The following SKIC2 variants were observed in gnomAD, a reference collection of about 807,000 sequenced individuals.
SKIC2 encodes the protein superkiller complex protein 2.
At chr6:31,961,774 C>A in the SKIC2 span, 1 of 1,547,336 alleles carries the variant, frequency 6.5e-7, no homozygotes. Context: ...CAGATCCATC[C>A]CAGGCCAGTC....
chr6:31,963,146 T>C, the SKIC2 span: 2 of 1,243,720 alleles, frequency 1.6e-6, no homozygotes, highest in East Asian at 2.3e-5. The surrounding 1 kb of genome is among the most constrained non-coding windows in gnomAD (Gnocchi z 5.3). Context: ...ACTCCTTGAT[T>C]CGGGTGGGGG....
the SKIC2 span, chr6:31,960,981 T>C: frequency 8.1e-7 from 1 of 1,236,378 alleles, no homozygotes; most frequent in Non-Finnish European, 1.2e-6. Context: ...TAGGTTTATA[T>C]AATGTACACA....
the SKIC2 span, chr6:31,967,830 A>G: frequency 6.2e-7 from 1 of 1,612,908 alleles, no homozygotes; most frequent in Non-Finnish European, 8.5e-7. The surrounding 1 kb of genome is among the most constrained non-coding windows in gnomAD (Gnocchi z 4.9). Context: ...TATCCAGATG[A>G]CCTCGTGGGA....
chr6:31,962,693 TC>T, the SKIC2 span: 2 of 1,610,166 alleles, frequency 1.2e-6, no homozygotes, highest in Non-Finnish European at 1.7e-6. This position sits in a 1 kb window ranked among gnomAD's most constrained non-coding sequence, Gnocchi z 5.0. Flanking sequence ...GGGGAGTCAA[TC>T]CTTGGCCTCT....
At chr6:31,962,130 C>A in the SKIC2 span, 2 of 1,430,752 alleles carry the variant, frequency 1.4e-6, no homozygotes, top group African/African-American at 1.4e-5. The surrounding 1 kb of genome is among the most constrained non-coding windows in gnomAD (Gnocchi z 5.0). Flanking sequence ...AATCTCATCT[C>A]TTCCCCCACC....
the SKIC2 span, chr6:31,967,487 C>T: frequency 1.2e-6 from 1 of 852,362 alleles, no homozygotes; most frequent in Non-Finnish European, 1.9e-6. This position sits in a 1 kb window ranked among gnomAD's most constrained non-coding sequence, Gnocchi z 4.9. Context: ...CTCATTTTCC[C>T]CTCTTGCCCT....
the SKIC2 span, chr6:31,960,186 A>T: frequency 6.2e-7 from 1 of 1,609,538 alleles, no homozygotes; most frequent in South Asian, 1.1e-5. Flanking sequence ...CAGAGGAAGA[A>T]AGAAGACCCA....
the SKIC2 span, chr6:31,961,362 C>G: frequency 8.3e-6 from 13 of 1,563,346 alleles, no homozygotes. Context: ...CCCGAGCAAG[C>G]AGCTTGGAAG....
chr6:31,963,103 G>C, the SKIC2 span: 3 of 1,584,262 alleles, frequency 1.9e-6, no homozygotes, highest in Non-Finnish European at 2.6e-6. This position sits in a 1 kb window ranked among gnomAD's most constrained non-coding sequence, Gnocchi z 5.3. Context: ...TGAGACGTGT[G>C]TCCCGGGTTG....
chr6:31,966,102 C>CA, the SKIC2 span: 5 of 746,342 alleles, frequency 6.7e-6, no homozygotes, highest in Non-Finnish European at 9.8e-6. This position sits in a 1 kb window ranked among gnomAD's most constrained non-coding sequence, Gnocchi z 5.9. Context: ...TTTCTTCTTC[C>CA]TTTTTTTTTT....
chr6:31,965,839 A>G, the SKIC2 span: 6 of 1,612,826 alleles, frequency 3.7e-6, no homozygotes, highest in Non-Finnish European at 5.1e-6. The surrounding 1 kb of genome is among the most constrained non-coding windows in gnomAD (Gnocchi z 5.6). Context: ...CTCGTACAGT[A>G]GTGTTTGACT....
chr6:31,964,915 C>T, the SKIC2 span, among the ~76,000 whole-genome samples: 42 of 152,200 alleles, frequency 2.8e-4, no homozygotes, highest in East Asian at 2.5e-3. The surrounding 1 kb of genome is among the most constrained non-coding windows in gnomAD (Gnocchi z 5.0). Context: ...GTCAAGAGAT[C>T]GAGACCATCC....
the SKIC2 span, chr6:31,963,457 GC>G: frequency 5.7e-5 from 92 of 1,610,940 alleles, no homozygotes; most frequent in Non-Finnish European, 7.8e-5. The surrounding 1 kb of genome is among the most constrained non-coding windows in gnomAD (Gnocchi z 5.3). Flanking sequence ...ACTGTAACCC[GC>G]CCCGTGCCCC....
the SKIC2 span, chr6:31,961,883 C>T: frequency 6.2e-7 from 1 of 1,611,570 alleles, no homozygotes; most frequent in Non-Finnish European, 8.5e-7. Flanking sequence ...CTTTCTTCAG[C>T]TCCTGTCTAT....
At chr6:31,961,924 G>C in the SKIC2 span, 2 of 1,613,120 alleles carry the variant, frequency 1.2e-6, no homozygotes, top group Non-Finnish European at 1.7e-6. Flanking sequence ...ATTTGAGCCA[G>C]ATGTGTTTCA....
chr6:31,963,925 T>C, the SKIC2 span: 1 of 1,610,792 alleles, frequency 6.2e-7, no homozygotes, highest in Non-Finnish European at 8.5e-7. This position sits in a 1 kb window ranked among gnomAD's most constrained non-coding sequence, Gnocchi z 5.3. Context: ...CCGCGGAGTG[T>C]ACCTGTCCCT....
At chr6:31,969,296 G>C in the SKIC2 span, 1 of 1,614,192 alleles carries the variant, frequency 6.2e-7, no homozygotes, top group African/African-American at 1.3e-5. The surrounding 1 kb of genome is among the most constrained non-coding windows in gnomAD (Gnocchi z 6.1). Flanking sequence ...GAACGTGTCC[G>C]GGCTGTGGCC....
At chr6:31,960,646 T>A in the SKIC2 span, 1 of 1,589,270 alleles carries the variant, frequency 6.3e-7, no homozygotes, top group African/African-American at 1.3e-5. Flanking sequence ...TGAATCCCTG[T>A]CTGTCCTGTC....
At chr6:31,968,833 G>C in the SKIC2 span, 5 of 1,609,786 alleles carry the variant, frequency 3.1e-6, no homozygotes, top group Non-Finnish European at 4.2e-6. This position sits in a 1 kb window ranked among gnomAD's most constrained non-coding sequence, Gnocchi z 6.1. Context: ...GGGGCTAGGG[G>C]ACAGCAGTGT....
Sources: gnomAD v4.1 joint callset for allele counts (sites outside exome capture counted in the v4.1 genomes callset) on GRCh38, gnomAD v4.1.1 for gene constraint, Gnocchi (gnomAD v3.1) non-coding constraint, MANE v1.5 for transcripts, NCBI Gene and HGNC (gene_info 2026-07-23, HGNC 2026-07-21) for gene names.